Variants in CFAP61 observed in about 807,000 individuals in gnomAD.
The protein encoded by CFAP61 is cilia- and flagella-associated protein 61.
CFAP61 carries 107 observed loss-of-function variants against 135.6 expected under a neutral mutation model. The ratio of observed to expected loss-of-function variants is 0.79; its 90% CI spans 0.67 to 0.93. The LOEUF is 0.93. CFAP61 is among the 40% of genes least tolerant of loss of function. CFAP61 has a pLI of 0.00. For synonymous variants in CFAP61, 575 were observed against 578.5 expected (o/e 0.99, Z 0.09); for missense variants, 1,507 against 1,556.2 (o/e 0.97, Z 0.53).
At chr20:20,353,744 C>T (rs1343067112) in intron 26 of CFAP61, among the ~76,000 whole-genome samples, 1 of 152,146 alleles carries the variant, frequency 6.6e-6, no homozygotes, top group Non-Finnish European at 1.5e-5. Flanking sequence ...AAGGATCAAC[C>T]TCATGAATCA....
chr20:20,202,117 AT>A (rs1420743254), intron 17 of CFAP61, among the ~76,000 whole-genome samples: 3 of 152,108 alleles, frequency 2.0e-5, no homozygotes, highest in Non-Finnish European at 4.4e-5. Context: ...ATCCGAAACC[AT>A]TGCTTACATT....
intron 21 of CFAP61, among the ~76,000 whole-genome samples, chr20:20,267,154 G>A (rs1463145479): frequency 6.6e-6 from 1 of 152,112 alleles, no homozygotes; most frequent in African/African-American, 2.4e-5. Context: ...AGGCCTCCCC[G>A]AGAAAGGAGG....
At chr20:20,109,576 C>T (rs1039410320) in intron 8 of CFAP61, among the ~76,000 whole-genome samples, 3 of 152,202 alleles carry the variant, frequency 2.0e-5, no homozygotes. Flanking sequence ...TTCAGCAAGG[C>T]AGACTCCCTT....
chr20:20,291,156 G>T (rs1248037838), intron 24 of CFAP61, among the ~76,000 whole-genome samples: 2 of 151,856 alleles, frequency 1.3e-5, no homozygotes, highest in Non-Finnish European at 2.9e-5. Flanking sequence ...AACCTACACT[G>T]ACACATTATT....
intron 13 of CFAP61, among the ~76,000 whole-genome samples, chr20:20,179,832 G>T (rs2054915278): frequency 6.6e-6 from 1 of 152,186 alleles, no homozygotes; most frequent in South Asian, 2.1e-4. Flanking sequence ...ATGTGCAGAA[G>T]ACTGAAACTG....
At chr20:20,349,110 C>T (rs189791155) in intron 26 of CFAP61, among the ~76,000 whole-genome samples, 109 of 152,298 alleles carry the variant, frequency 7.2e-4, no homozygotes, top group Non-Finnish European at 1.2e-3. Flanking sequence ...ACTATTAGAG[C>T]TAATAAATGA....
At chr20:20,116,868 A>G (rs2049184274) in intron 8 of CFAP61, among the ~76,000 whole-genome samples, 1 of 151,352 alleles carries the variant, frequency 6.6e-6, no homozygotes, top group Non-Finnish European at 1.5e-5. Context: ...TTTTTTTCAC[A>G]TTTGTTATAC....
chr20:20,085,912 T>C (rs1346499689), intron 6 of CFAP61, among the ~76,000 whole-genome samples: 1 of 152,244 alleles, frequency 6.6e-6, no homozygotes, highest in Non-Finnish European at 1.5e-5. Flanking sequence ...CCACCTCTTA[T>C]TAGCAATGCC....
chr20:20,253,083 C>T (rs555062019), intron 20 of CFAP61, among the ~76,000 whole-genome samples: 1 of 152,302 alleles, frequency 6.6e-6, no homozygotes, highest in Admixed American at 6.5e-5. Context: ...ATCCCCTGAG[C>T]TTCTTGTTAA....
chr20:20,200,737 GC>G, intron 17 of CFAP61: 1 of 985,332 alleles, frequency 1.0e-6, no homozygotes, highest in Non-Finnish European at 1.2e-6. Context: ...CCAAGGAGCT[GC>G]CCCTCAGAGC....
rs1676054803 is a variant in CFAP61, at chr20:20,228,237, T to A, written c.1933-12T>A. The A allele has an allele frequency of 1.9e-6, 3 of 1,577,050 alleles. No individual in the cohort carries two copies. Among genetic ancestry groups the A allele is most frequent in the African/African-American group, 2.7e-5 (2 of 74,202 alleles). On this transcript the variant is annotated splice_polypyrimidine_tract_variant and intron_variant, in intron 17 of 26. Transcript: ENST00000245957. The stretch of plus-strand genomic sequence containing the variant: ...CTTTGACTCCTTCTTTGTCTTCGTA[T>A]TTTTTTTCCAGATGAGTTATGCTTT...
chr20:20,308,289 A>T (rs1242547914), intron 25 of CFAP61, among the ~76,000 whole-genome samples: 1 of 152,212 alleles, frequency 6.6e-6, no homozygotes. Context: ...TGGATCCGAC[A>T]TTCTGACCTG....
chr20:20,150,109 C>T (rs1364716615), intron 9 of CFAP61, among the ~76,000 whole-genome samples: 2 of 152,058 alleles, frequency 1.3e-5, no homozygotes, highest in Non-Finnish European at 2.9e-5. Flanking sequence ...TACTGGCTTT[C>T]CCCCACTTCC....
chr20:20,179,662 T>C (rs2054902466), intron 13 of CFAP61, among the ~76,000 whole-genome samples: 1 of 152,174 alleles, frequency 6.6e-6, no homozygotes, highest in Admixed American at 6.5e-5. Flanking sequence ...CAAAACAGCA[T>C]GGTACTGGTA....
chr20:20,158,588 C>A (rs1486688922), intron 9 of CFAP61, among the ~76,000 whole-genome samples: 2 of 152,104 alleles, frequency 1.3e-5, no homozygotes, highest in African/African-American at 2.4e-5. Flanking sequence ...CTGATGCGTG[C>A]AACAGCATGG....
chr20:20,113,131 T>G (rs1458267409), intron 8 of CFAP61, among the ~76,000 whole-genome samples: 1 of 152,210 alleles, frequency 6.6e-6, no homozygotes, highest in African/African-American at 2.4e-5. Context: ...AGAATGTGCA[T>G]TCTCTGTTTA....
rs537393305 is a variant in CFAP61 at position 20,063,266 on chromosome 20, CAA to C, written c.143+6472_143+6473del. Reference sequence around the variant, plus strand: ...GCATAATGTTGATATCAAAATAAGACAAAGACAGTACAAGAAAGGAAAGTTAA... The same window carrying C: ...GCATAATGTTGATATCAAAATAAGACAGACAGTACAAGAAAGGAAAGTTAA... On this transcript the variant is annotated intron_variant, in intron 2 of 26. Coordinates refer to ENST00000245957, the MANE Select transcript of CFAP61 (RefSeq NM_015585.4). 5.9e-5 allele frequency among the ~76,000 whole-genome samples: 9 copies of C among 151,940 alleles called. No individual in the cohort carries two copies. In the East Asian group the frequency reaches 1.7e-3, roughly 29 times the overall value.
chr20:20,322,784 T>G, intron 25 of CFAP61: 1 of 985,330 alleles, frequency 1.0e-6, no homozygotes, highest in Non-Finnish European at 1.2e-6. Flanking sequence ...AACCTGTGAA[T>G]GCTGTTTGCT....
At chr20:20,084,334 C>G (rs767877718) in intron 6 of CFAP61, among the ~76,000 whole-genome samples, 2 of 152,220 alleles carry the variant, frequency 1.3e-5, no homozygotes, top group Admixed American at 6.5e-5. Context: ...CAAATCCTCT[C>G]TGGATATGGA....
Sources: allele counts gnomAD v4.1 joint callset (sites outside exome capture counted in the v4.1 genomes callset), GRCh38; gene constraint gnomAD v4.1.1; transcripts MANE v1.5; gene names NCBI Gene and HGNC (gene_info 2026-07-23, HGNC 2026-07-21).